The following OTOR variants were observed in gnomAD, a reference collection of about 807,000 sequenced individuals.
OTOR encodes the protein fibrocyte-derived protein.
In OTOR, 20 loss-of-function variants were observed where a neutral mutation model predicts 15.9. That is an observed-to-expected ratio of 1.26 (90% CI 0.89 to 1.83). OTOR has a LOEUF of 1.83. Among genes scored for constraint, OTOR ranks in the 40% most tolerant of loss-of-function variants. The pLI, the probability that OTOR is intolerant of heterozygous loss-of-function variation, is 0.00. For missense variants in OTOR, 184 were observed against 159.0 expected, an observed-to-expected ratio of 1.16 and a Z score of -0.85; for synonymous variants, 53 against 54.2, an observed-to-expected ratio of 0.98 and a Z score of 0.09.
Position 16,751,429 on chromosome 20 carries a change from T to C in OTOR, c.*311T>C. On this transcript the variant is annotated 3_prime_UTR_variant, in exon 4 of 4. Transcript: ENST00000246081. The stretch of plus-strand genomic sequence containing the variant: ...CTTACAGGGGGATGCATATAACAGA[T>C]CATGTATGTGTAGTTATTTCTAAGT... 1 of 306,452 alleles carries C rather than the reference T, an allele frequency of 3.3e-6. No homozygotes were observed. Among genetic ancestry groups the C allele is most frequent in the Non-Finnish European group, 6.0e-6 (1 of 167,788 alleles). 19.0% of individuals were successfully genotyped at this position (306,452 alleles called of 1,614,324 possible).
chr20:16,751,357 G>T lies in OTOR; in HGVS notation c.*239G>T, dbSNP rs1019680766. On this transcript the variant is annotated 3_prime_UTR_variant, in exon 4 of 4. Coordinates refer to ENST00000246081, the MANE Select transcript of OTOR (RefSeq NM_020157.4). ...AGCGGGGAAATGTTGAGCTCAAATG[G>T]GTAAATTGAGACCAGAAAATTATTT... 8.4e-6 allele frequency: 4 copies of T among 475,624 alleles called. No individual in the cohort carries two copies. In the Admixed American group the frequency reaches 1.6e-4, roughly 19 times the overall value. The allele number at this position is 475,624 out of a possible 1,614,324, so 29.5% of individuals were successfully genotyped here.
chr20:16,749,724 C>T (rs2072515848), intron 2 of OTOR, 179 bp from the exon 3 acceptor site: 1 of 570,680 alleles, frequency 1.8e-6, no homozygotes, highest in Non-Finnish European at 3.2e-6. Flanking sequence ...ACAATTCCTG[C>T]GGGTTAACTT....
rs561284923 is a variant in OTOR at position 16,748,358 on chromosome 20, C to T, written c.-44C>T. ...AAAGGCAGGAACCACTGAAGTCAGTCCCCGCTTCCAGTCAGAGTTCAAGTT... is the reference window on the plus strand; with the variant it reads ...AAAGGCAGGAACCACTGAAGTCAGTTCCCGCTTCCAGTCAGAGTTCAAGTT... On this transcript the variant is annotated 5_prime_UTR_variant, in exon 1 of 4. Coordinates refer to ENST00000246081, the MANE Select transcript of OTOR (RefSeq NM_020157.4). 3.8e-6 allele frequency: 5 copies of T among 1,311,210 alleles called. No homozygotes were observed. The South Asian group carries it at 5.9e-5, about 15-fold the overall frequency. The allele number at this position is 1,311,210 out of a possible 1,614,324, so 81.2% of individuals were successfully genotyped here. A position where few individuals can be genotyped will look rare whatever the true frequency, so the allele number is the denominator to read the frequency against.
chr20:16,750,539 C>T (rs1022042047), intron 3 of OTOR, among the ~76,000 whole-genome samples: 3 of 151,952 alleles, frequency 2.0e-5, no homozygotes, highest in Non-Finnish European at 4.4e-5. Context: ...AATAAAGAAA[C>T]CAAAGTCAGC....
At chr20:16,749,248 C>T in intron 2 of OTOR, 1 of 325,944 alleles carries the variant, frequency 3.1e-6, no homozygotes, top group Non-Finnish European at 5.5e-6. Context: ...TACATGGGGG[C>T]TTAAACATCC....
At chr20:16,749,814 C>T in intron 2 of OTOR, 89 bp from the exon 3 acceptor site, 2 of 869,730 alleles carry the variant, frequency 2.3e-6, no homozygotes, top group Non-Finnish European at 3.8e-6. Context: ...AGCTATGATT[C>T]TCACTATCAG....
At position 16,750,122 on chromosome 20, in the gene OTOR, T is replaced by C. The variant is rs1336394030; in HGVS notation, c.363+112T>C. The C allele has an allele frequency of 4.6e-6, 3 of 651,028 alleles. No homozygotes were observed. In the Admixed American group the frequency reaches 7.9e-5, roughly 17 times the overall value. The allele number at this position is 651,028 out of a possible 1,614,324, so 40.3% of individuals were successfully genotyped here. Reference sequence around the variant, plus strand: ...TTGTATAGAACAAAGCCTCCAACTTTCAGTGGCGACTTTTCTGAGATAATG... The same window carrying C: ...TTGTATAGAACAAAGCCTCCAACTTCCAGTGGCGACTTTTCTGAGATAATG... On this transcript the variant is annotated intron_variant, in intron 3 of 3. Coordinates refer to ENST00000246081, the MANE Select transcript of OTOR (RefSeq NM_020157.4).
Position 16,750,428 on chromosome 20 carries a change from T to TGTGTGA in OTOR, c.363+419_363+420insTGTGAG, listed in dbSNP as rs563249389. ...TTGTGTGTGTGTGTGTGTGTGTGTG[T>TGTGTGA]GAAAACATTAAGATCTGCCCTCTTA... On this transcript the variant is annotated intron_variant, in intron 3 of 3. Coordinates refer to ENST00000246081, the MANE Select transcript of OTOR (RefSeq NM_020157.4). 4.6e-4 allele frequency among the ~76,000 whole-genome samples: 70 copies of TGTGTGA among 151,942 alleles called. No individual in the cohort carries two copies. The East Asian group carries it at 0.01, about 22-fold the overall frequency.
Position 16,751,088 on chromosome 20 carries a change from T to A in OTOR, c.364-7T>A. 16 of 1,540,258 alleles carry A rather than the reference T, an allele frequency of 1.0e-5. No homozygotes were observed. The highest frequency in any genetic ancestry group is 1.4e-5 in the Non-Finnish European group (16 of 1,136,704). ...TTCAATCTTTTTTTGTTTTTGTTTTTTTCCAGGATATTGACTTCTTCTGCG... is the reference window on the plus strand; with the variant it reads ...TTCAATCTTTTTTTGTTTTTGTTTTATTCCAGGATATTGACTTCTTCTGCG... On this transcript the variant is annotated splice_region_variant and splice_polypyrimidine_tract_variant and intron_variant, in intron 3 of 3. Transcript: ENST00000246081.
At position 16,751,120 on chromosome 20, in the gene OTOR, A is replaced by G. The variant is rs1418251535; in HGVS notation, c.*2A>G. On this transcript the variant is annotated 3_prime_UTR_variant, in exon 4 of 4. Transcript: ENST00000246081. ...GATATTGACTTCTTCTGCGAGTAAT[A>G]AATTAGTTAAAACTGCAAATAGAAA... is the stretch of plus-strand genomic sequence containing the variant. The G allele has an allele frequency of 1.0e-5, 16 of 1,532,900 alleles. No individual in the cohort carries two copies. The highest frequency in any genetic ancestry group is 1.2e-5 in the Non-Finnish European group (14 of 1,133,076). 95.0% of individuals were successfully genotyped at this position (1,532,900 alleles called of 1,614,324 possible).
rs534775312 is a variant in OTOR, at chr20:16,749,192, A to C, written c.255+186A>C. On this transcript the variant is annotated intron_variant, in intron 2 of 3. Transcript: ENST00000246081. Reference sequence around the variant, plus strand: ...GAAAGAAAGATCAATTTCGTAACAAAACCAAATGTAGGTTAATGTGATATT... The same window carrying C: ...GAAAGAAAGATCAATTTCGTAACAACACCAAATGTAGGTTAATGTGATATT... Among the ~76,000 whole-genome samples the C allele has an allele frequency of 5.3e-5, 8 of 152,336 alleles. No individual in the cohort carries two copies. The East Asian group carries it at 1.5e-3, about 29-fold the overall frequency.
Position 16,751,482 on chromosome 20 carries a change from C to T in OTOR, c.*364C>T, listed in dbSNP as rs905899757. On this transcript the variant is annotated 3_prime_UTR_variant, in exon 4 of 4. Transcript: ENST00000246081. ...TAATTCTTCCCAGCTCTTTGATTTG[C>T]CATATATAAAATAGGTGGGTCGTAT... 1 of 192,986 alleles carries T rather than the reference C, an allele frequency of 5.2e-6. No homozygotes were observed. Among genetic ancestry groups the T allele is most frequent in the Non-Finnish European group, 1.0e-5 (1 of 95,654 alleles). 12.0% of individuals were successfully genotyped at this position (192,986 alleles called of 1,614,324 possible).
intron 3 of OTOR, among the ~76,000 whole-genome samples, chr20:16,750,264 A>AT (rs1164129729): frequency 2.6e-5 from 4 of 151,966 alleles, no homozygotes; most frequent in East Asian, 1.9e-4. Flanking sequence ...TTTTTTCTAT[A>AT]TTTTTTCAGC....
chr20:16,749,580 T>G (rs2072514873), intron 2 of OTOR: 1 of 263,800 alleles, frequency 3.8e-6, no homozygotes, highest in South Asian at 9.8e-5. Flanking sequence ...GTGTCTACAG[T>G]ACTTTAAAAA....
Position 16,748,516 on chromosome 20 carries a change from T to A in OTOR, c.115T>A (p.Tyr39Asn). 1.3e-6 allele frequency: 2 copies of A among 1,555,580 alleles called. No individual in the cohort carries two copies. The highest frequency in any genetic ancestry group is 2.3e-5 in the South Asian group (2 of 88,324). The change falls in exon 1 of 4, where the codon TAT becomes AAT. Residue 39 changes from tyrosine (Y) to asparagine (N), a missense_variant and splice_region_variant. Coordinates refer to ENST00000246081, the MANE Select transcript of OTOR (RefSeq NM_020157.4). The stretch of plus-strand genomic sequence containing the variant: ...GCTCTGTGCAGATGATGAGTGTGTC[T>A]GTAAGGACTTTTTTATGCTTTTCAT... ...KKLCADDECVYTISLASAQED... is the reference protein window; with the variant it reads ...KKLCADDECVNTISLASAQED...
intron 3 of OTOR, among the ~76,000 whole-genome samples, chr20:16,750,310 A>G (rs1291798547): frequency 6.6e-6 from 1 of 152,194 alleles, no homozygotes; most frequent in African/African-American, 2.4e-5. Flanking sequence ...AAAATTGCAT[A>G]CATTTAATGC....
chr20:16,749,707 T>G, intron 2 of OTOR, 196 bp from the exon 3 acceptor site: 2 of 572,284 alleles, frequency 3.5e-6, no homozygotes, highest in Non-Finnish European at 6.3e-6. Context: ...CACTAAACAG[T>G]AGATGCACAA....
intron 3 of OTOR, 48 bp from the exon 4 acceptor site, chr20:16,751,047 A>T: frequency 1.4e-6 from 2 of 1,413,010 alleles, no homozygotes; most frequent in Non-Finnish European, 1.9e-6. Context: ...CTGTTTTTTT[A>T]GCCTAGGCTA....
chr20:16,751,230 AC>A lies in OTOR; in HGVS notation c.*114del. 1.3e-6 allele frequency: 1 copy of A among 752,934 alleles called. No individual in the cohort carries two copies. The highest frequency in any genetic ancestry group is 2.2e-6 in the Non-Finnish European group (1 of 464,306). The allele number at this position is 752,934 out of a possible 1,614,324, so 46.6% of individuals were successfully genotyped here. On this transcript the variant is annotated 3_prime_UTR_variant, in exon 4 of 4. Coordinates refer to ENST00000246081, the MANE Select transcript of OTOR (RefSeq NM_020157.4). Reference sequence around the variant, plus strand: ...TGGACTGACGTTTTAAGAATTTGTTACCTTACAGAAGAGCAAGGGCTTAGGG... The same window carrying A: ...TGGACTGACGTTTTAAGAATTTGTTACTTACAGAAGAGCAAGGGCTTAGGG...
Sources: gnomAD v4.1 joint callset for allele counts (sites outside exome capture counted in the v4.1 genomes callset) on GRCh38, gnomAD v4.1.1 for gene constraint, MANE v1.5 for transcripts, NCBI Gene and HGNC (gene_info 2026-07-23, HGNC 2026-07-21) for gene names.